The following PTBP1 variants were observed in gnomAD, a reference collection of about 807,000 sequenced individuals.
The protein encoded by PTBP1 is polypyrimidine tract binding protein 1.
PTBP1 carries 8 observed loss-of-function variants against 59.8 expected under a neutral mutation model. The observed-to-expected ratio is 0.13, with a 90% CI of 0.08 to 0.24. The LOEUF (loss-of-function observed/expected upper bound fraction) is 0.24, where lower values mean the gene tolerates loss of function less well. Ranked by LOEUF, PTBP1 falls within the 10% of genes least tolerant of loss-of-function variation. The probability of loss-of-function intolerance (pLI) is 1.00; values close to 1 mark genes in which losing one functional copy is unlikely to be tolerated. For synonymous variants in PTBP1, 490 were observed against 320.7 expected, an observed-to-expected ratio of 1.53 and a Z score of -5.64; for missense variants, 686 against 767.0, an observed-to-expected ratio of 0.89 and a Z score of 1.25.
In PTBP1 at chr19:799,400, T is replaced by A. The variant is rs1234143263; in HGVS notation, c.9-13T>A. The stretch of plus-strand genomic sequence containing the variant: ...CACCAGGCTAACGTTGTCTCCTTTC[T>A]TTCTCTCTACAGCATTGTCCCAGAT... On this transcript the variant is annotated splice_polypyrimidine_tract_variant and intron_variant, in intron 1 of 14. Coordinates refer to ENST00000356948, the MANE Select transcript of PTBP1 (RefSeq NM_002819.5). The A allele has an allele frequency of 6.2e-7, 1 of 1,613,792 alleles. No homozygotes were observed. The highest frequency in any genetic ancestry group is 1.7e-5 in the Admixed American group (1 of 60,026).
Position 804,613 on chromosome 19 carries a change from G to A in PTBP1, c.517G>A (p.Ala173Thr), listed in dbSNP as rs150661031. 2,161 of 1,612,492 alleles carry A rather than the reference G, an allele frequency of 1.3e-3. 4 individuals carry two copies. The highest frequency in any genetic ancestry group is 3.7e-3 in the South Asian group (338 of 91,062). The change falls in exon 6 of 15, where the codon GCA (alanine) becomes ACA (threonine). Residue 173 changes from alanine (A) to threonine (T), a missense_variant. Coordinates refer to ENST00000356948, the MANE Select transcript of PTBP1 (RefSeq NM_002819.5). ...ALAASAAAVD[A>T]GMAMAGQSPV... ...GGCTGCCTCGGCGGCGGCCGTGGAC[G>A]CAGGGATGGCGATGGCCGGGCAGAG...
chr19:801,017 C>G (rs1555697775), intron 2 of PTBP1, among the ~76,000 whole-genome samples: 1 of 151,796 alleles, frequency 6.6e-6, no homozygotes, highest in Admixed American at 6.6e-5. Context: ...GATACCCCCC[C>G]TCCCCCCCAC....
rs180903188 is a variant in PTBP1, at chr19:806,276, G to A, written c.971-132G>A. ...GTCGGACGACCCCACAGGCACCCAGGGTAGGGCCAGAGCCAGGGCCGCCTC... is the reference window on the plus strand; with the variant it reads ...GTCGGACGACCCCACAGGCACCCAGAGTAGGGCCAGAGCCAGGGCCGCCTC... On this transcript the variant is annotated intron_variant, in intron 9 of 14. Coordinates refer to ENST00000356948, the MANE Select transcript of PTBP1 (RefSeq NM_002819.5). The A allele has an allele frequency of 7.4e-4, 804 of 1,079,254 alleles. 10 individuals carry two copies. The East Asian group carries it at 0.019, about 25-fold the overall frequency. 66.9% of individuals were successfully genotyped at this position (1,079,254 alleles called of 1,614,324 possible).
Position 810,996 on chromosome 19 carries a change from C to T in PTBP1, c.*170C>T, listed in dbSNP as rs191561964. ...ATTAAATCTAGTTCACCTTGCTCAC[C>T]CTGCGGTGACAGGGACAGCTCAGGC... On this transcript the variant is annotated 3_prime_UTR_variant, in exon 15 of 15. Coordinates refer to ENST00000356948, the MANE Select transcript of PTBP1 (RefSeq NM_002819.5). 11 of 683,020 alleles carry T rather than the reference C, an allele frequency of 1.6e-5. No individual in the cohort carries two copies. The highest frequency in any genetic ancestry group is 6.7e-5 in the East Asian group (2 of 29,670). 42.3% of individuals were successfully genotyped at this position (683,020 alleles called of 1,614,324 possible).
At position 805,505 on chromosome 19, in the gene PTBP1, A is replaced by C; in HGVS notation, c.906A>C (p.Ile302=). The change falls in exon 9 of 15, where the codon ATA becomes ATC. Residue 302 remains isoleucine, a synonymous_variant. Transcript: ENST00000356948. The part of the protein sequence containing the change: ...TMAAAFGAPG[I]ISASPYAGAG... ...ATTTATTTCTAGGTGCACCTGGTAT[A>C]ATCTCAGCCTCTCCGTATGCAGGAG... is the stretch of plus-strand genomic sequence containing the variant. 2 of 1,613,516 alleles carry C rather than the reference A, an allele frequency of 1.2e-6. No individual in the cohort carries two copies. The highest frequency in any genetic ancestry group is 1.7e-6 in the Non-Finnish European group (2 of 1,179,452).
Position 810,675 on chromosome 19 carries a change from C to G in PTBP1, c.1542-19C>G. 6.2e-7 allele frequency: 1 copy of G among 1,611,930 alleles called. No homozygotes were observed. Among genetic ancestry groups the G allele is most frequent in the Non-Finnish European group, 8.5e-7 (1 of 1,179,356 alleles). On this transcript the variant is annotated intron_variant, in intron 14 of 14. Transcript: ENST00000356948. Reference sequence around the variant, plus strand: ...TCCCCAGGCTGCCCTGCGGCCGGCCCTGACCCCCTGTCTTGCAGGAAGGAC... The same window carrying G: ...TCCCCAGGCTGCCCTGCGGCCGGCCGTGACCCCCTGTCTTGCAGGAAGGAC...
rs376085651 is a variant in PTBP1 at position 805,440 on chromosome 19, C to T, written c.893-52C>T. 1.4e-3 allele frequency: 2,211 copies of T among 1,540,172 alleles called. 25 individuals are homozygous for T. In the African/African-American group the frequency reaches 0.026, roughly 18 times the overall value. Reference sequence around the variant, plus strand: ...GGGGCCCATCCCGCAGCACAGCGCCCGCTCGCGGTGGAGGTTGTGGGTGCG... The same window carrying T: ...GGGGCCCATCCCGCAGCACAGCGCCTGCTCGCGGTGGAGGTTGTGGGTGCG... On this transcript the variant is annotated intron_variant, in intron 8 of 14. Coordinates refer to ENST00000356948, the MANE Select transcript of PTBP1 (RefSeq NM_002819.5).
rs756086204 is a variant in PTBP1, at chr19:806,395, C to T, written c.971-13C>T. On this transcript the variant is annotated splice_polypyrimidine_tract_variant and intron_variant, in intron 9 of 14. Transcript: ENST00000356948. ...GGGGGCGCCGCCGCTCATCTCACCT[C>T]CTGCTTTTCCAGGCCTTTCCGTTCC... The T allele has an allele frequency of 1.0e-5, 16 of 1,596,856 alleles. No individual in the cohort carries two copies. The highest frequency in any genetic ancestry group is 2.3e-5 in the East Asian group (1 of 42,904).
chr19:807,717 C>T (rs1860741066), intron 10 of PTBP1, 152 bp from the exon 11 acceptor site: 1 of 638,044 alleles, frequency 1.6e-6, no homozygotes, highest in Non-Finnish European at 2.8e-6. Context: ...ACCAACCTGC[C>T]CTTGAATATT....
At position 811,959 on chromosome 19, in the gene PTBP1, C is replaced by G. The variant is rs2034900392; in HGVS notation, c.*1133C>G. On this transcript the variant is annotated 3_prime_UTR_variant, in exon 15 of 15. Transcript: ENST00000356948. ...TGTGCTCTTTCTACCGCCCCCGCGTCCTGTCCCGGGGGCTCTCCTAGGATC... is the reference window on the plus strand; with the variant it reads ...TGTGCTCTTTCTACCGCCCCCGCGTGCTGTCCCGGGGGCTCTCCTAGGATC... 1 of 152,444 alleles carries G rather than the reference C, an allele frequency of 6.6e-6. No homozygotes were observed. Among genetic ancestry groups the G allele is most frequent in the Non-Finnish European group, 1.5e-5 (1 of 68,036 alleles). 9.4% of individuals were successfully genotyped at this position (152,444 alleles called of 1,614,324 possible). A position where few individuals can be genotyped will look rare whatever the true frequency, so the allele number is the denominator to read the frequency against.
chr19:810,684 T>C lies in PTBP1; in HGVS notation c.1542-10T>C, dbSNP rs780078225. On this transcript the variant is annotated splice_polypyrimidine_tract_variant and intron_variant, in intron 14 of 14. Coordinates refer to ENST00000356948, the MANE Select transcript of PTBP1 (RefSeq NM_002819.5). ...TGCCCTGCGGCCGGCCCTGACCCCCTGTCTTGCAGGAAGGACCGCAAGATG... is the reference window on the plus strand; with the variant it reads ...TGCCCTGCGGCCGGCCCTGACCCCCCGTCTTGCAGGAAGGACCGCAAGATG... 7.9e-5 allele frequency: 127 copies of C among 1,611,658 alleles called. No homozygotes were observed. Among genetic ancestry groups the C allele is most frequent in the Non-Finnish European group, 1.0e-4 (120 of 1,179,320 alleles).
At chr19:800,177 A>AC (rs1410890137) in intron 2 of PTBP1, among the ~76,000 whole-genome samples, 1 of 147,230 alleles carries the variant, frequency 6.8e-6, no homozygotes, top group Admixed American at 6.8e-5. Flanking sequence ...CAGGTGATGC[A>AC]CCCCCCTTGG....
chr19:806,182 G>A, intron 9 of PTBP1: 1 of 471,462 alleles, frequency 2.1e-6, no homozygotes. Context: ...ATGAGCCCAG[G>A]CCCGGCCCGG....
intron 2 of PTBP1, among the ~76,000 whole-genome samples, chr19:799,652 G>A (rs1444428994): frequency 6.6e-6 from 1 of 152,232 alleles, no homozygotes; most frequent in South Asian, 2.1e-4. Flanking sequence ...TTTGCTGGCC[G>A]CCCCTCAGGT....
At chr19:800,713 G>A (rs1201244406) in intron 2 of PTBP1, among the ~76,000 whole-genome samples, 1 of 152,222 alleles carries the variant, frequency 6.6e-6, no homozygotes, top group African/African-American at 2.4e-5. Flanking sequence ...AGTGTGGGAG[G>A]AGGGAGAGGT....
rs531748518 is a variant in PTBP1, at chr19:810,437, G to A, written c.1464-106G>A. On this transcript the variant is annotated intron_variant, in intron 13 of 14. Transcript: ENST00000356948. ...TTTCTGGGCTCCTAAAAGGCCCTAC[G>A]CCTTCCCCGGCTACTCTGAAAACTA... is the stretch of plus-strand genomic sequence containing the variant. The A allele has an allele frequency of 1.9e-4, 174 of 904,616 alleles. No individual in the cohort carries two copies. In the East Asian group the frequency reaches 3.7e-3, roughly 19 times the overall value. The allele number at this position is 904,616 out of a possible 1,614,324, so 56.0% of individuals were successfully genotyped here. A position where few individuals can be genotyped will look rare whatever the true frequency, so the allele number is the denominator to read the frequency against.
At position 804,380 on chromosome 19, in the gene PTBP1, T is replaced by A; in HGVS notation, c.377T>A (p.Ile126Asn). The A allele has an allele frequency of 6.2e-7, 1 of 1,612,920 alleles. No individual in the cohort carries two copies. Among genetic ancestry groups the A allele is most frequent in the Non-Finnish European group, 8.5e-7 (1 of 1,180,004 alleles). The change falls in exon 5 of 15, where the codon ATC (isoleucine) becomes AAC (asparagine). Residue 126 changes from isoleucine to asparagine, a missense_variant. Physicochemically the swap from Ile to Asn is moderately radical, Grantham distance 149. Coordinates refer to ENST00000356948, the MANE Select transcript of PTBP1 (RefSeq NM_002819.5). Reference protein sequence around the residue: ...SVTPVLRGQPIYIQFSNHKEL... With the variant: ...SVTPVLRGQPNYIQFSNHKEL... The stretch of plus-strand genomic sequence containing the variant: ...ACCCCTGTGCTGCGCGGCCAGCCCA[T>A]CTACATCCAGTTCTCCAACCACAAG...
chr19:811,797 C>T lies in PTBP1; in HGVS notation c.*971C>T, dbSNP rs567336992. 9.8e-5 allele frequency: 15 copies of T among 152,610 alleles called. No individual in the cohort carries two copies. The highest frequency in any genetic ancestry group is 6.2e-4 in the South Asian group (3 of 4,826). 9.5% of individuals were successfully genotyped at this position (152,610 alleles called of 1,614,324 possible). The stretch of plus-strand genomic sequence containing the variant: ...CCGGTTGCCTTACACCACGCCTTCA[C>T]CTGCAGTCGCCTAGAAAACTTGCTC... On this transcript the variant is annotated 3_prime_UTR_variant, in exon 15 of 15. Transcript: ENST00000356948.
intron 1 of PTBP1, among the ~76,000 whole-genome samples, chr19:798,167 C>T (rs544305723): frequency 1.2e-4 from 19 of 152,120 alleles, no homozygotes; most frequent in African/African-American, 4.3e-4. Flanking sequence ...GCGGCCGCCC[C>T]GAGGGTCTGT....
Sources: gnomAD v4.1 joint callset for allele counts (sites outside exome capture counted in the v4.1 genomes callset) on GRCh38, gnomAD v4.1.1 for gene constraint, MANE v1.5 for transcripts, NCBI Gene and HGNC (gene_info 2026-07-23, HGNC 2026-07-21) for gene names.